PCLO: variants seen among roughly 807,000 people sequenced by gnomAD.
PCLO encodes piccolo presynaptic cytomatrix protein.
Under a neutral mutation model 427.5 loss-of-function variants are expected in PCLO, and 82 were observed. The ratio of observed to expected loss-of-function variants is 0.19; its 90% CI spans 0.16 to 0.23. The LOEUF (loss-of-function observed/expected upper bound fraction) is 0.23, where lower values mean the gene tolerates loss of function less well. PCLO is among the 10% of genes least tolerant of loss of function. The probability of loss-of-function intolerance (pLI) is 1.00; values close to 1 mark genes in which losing one functional copy is unlikely to be tolerated. For missense variants in PCLO, 6,239 were observed against 6,115.9 expected (o/e 1.02, Z -0.67); for synonymous variants, 2,357 against 2,155.4 (o/e 1.09, Z -2.59).
intron 6 of PCLO, among the ~76,000 whole-genome samples, chr7:82,924,097 T>C (rs1452281481): frequency 6.6e-6 from 1 of 152,216 alleles, no homozygotes; most frequent in South Asian, 2.1e-4. Context: ...TATTTATTGA[T>C]GATGAGAATC....
intron 3 of PCLO, among the ~76,000 whole-genome samples, chr7:82,983,564 C>T (rs1019682073): frequency 6.7e-6 from 1 of 149,776 alleles, no homozygotes; most frequent in Admixed American, 6.7e-5. Context: ...TATTACAGAT[C>T]TAGCTAAAAT....
At chr7:82,992,099 G>A (rs1187683483) in intron 3 of PCLO, among the ~76,000 whole-genome samples, 1 of 152,024 alleles carries the variant, frequency 6.6e-6, no homozygotes, top group African/African-American at 2.4e-5. Flanking sequence ...AAAACAGAAT[G>A]ATAATTATTA....
At chr7:82,949,148 G>A (rs115163331) in intron 6 of PCLO, among the ~76,000 whole-genome samples, 1,594 of 152,136 alleles carry the variant, frequency 0.01, 31 homozygotes, top group African/African-American at 0.037. Context: ...GGGAGATTTC[G>A]ATATAAGAAT....
rs983841782 is a variant in PCLO, at chr7:82,758,196, C to T, written c.*379G>A. 6.4e-6 allele frequency: 1 copy of T among 156,922 alleles called. No individual in the cohort carries two copies. Among genetic ancestry groups the T allele is most frequent in the African/African-American group, 2.4e-5 (1 of 41,664 alleles). 9.7% of individuals were successfully genotyped at this position (156,922 alleles called of 1,614,324 possible). ...ATCAGTCCTTTCCTTTCAACCAAGG[C>T]TCCTTTGCATAAAGAATTACCTTTG... On this transcript the variant is annotated 3_prime_UTR_variant, in exon 25 of 25. Transcript: ENST00000333891.
chr7:82,837,218 G>A (rs1200549285), intron 15 of PCLO, among the ~76,000 whole-genome samples: 1 of 152,018 alleles, frequency 6.6e-6, no homozygotes, highest in African/African-American at 2.4e-5. Context: ...GATTAAGGGA[G>A]TGTATGAGGA....
intron 6 of PCLO, among the ~76,000 whole-genome samples, chr7:82,929,688 A>C (rs1471674687): frequency 6.6e-6 from 1 of 152,176 alleles, no homozygotes. Flanking sequence ...TTCTCAAGCC[A>C]TCAATCCTTG....
chr7:82,777,599 C>G (rs1790781875), intron 22 of PCLO, among the ~76,000 whole-genome samples: 1 of 152,020 alleles, frequency 6.6e-6, no homozygotes, highest in Non-Finnish European at 1.5e-5. Flanking sequence ...GGCTGTACAC[C>G]TACAACTATC....
At chr7:83,141,683 G>T (rs189503281) in intron 2 of PCLO, among the ~76,000 whole-genome samples, 2 of 152,220 alleles carry the variant, frequency 1.3e-5, no homozygotes, top group Non-Finnish European at 2.9e-5. Flanking sequence ...TGTATGAGAG[G>T]TGTCAAATAT....
chr7:82,855,010 CTAGGTCTGAG>C (rs1418305518), intron 10 of PCLO, among the ~76,000 whole-genome samples: 4 of 152,056 alleles, frequency 2.6e-5, no homozygotes, highest in African/African-American at 9.7e-5. Context: ...TATTTCTTTT[CTAGGTCTGAG>C]TACATTGAAA....
rs1469691155 is a variant in PCLO at position 82,915,517 on chromosome 7, G to A, written c.12469C>T (p.His4157Tyr). Residue 4157 changes from histidine (H) to tyrosine (Y), a missense_variant, in exon 7 of 25, where the codon CAT (histidine) becomes TAT (tyrosine). Around this residue, in one of 5 missense-constraint regions of PCLO, gnomAD observed 680 missense variants for 677.3 expected, o/e 1.00. Transcript: ENST00000333891. ...CTATACTTCTCAGATTTTGGAAAATGTCTGTAGCTAGTATCAGCATGGTAA... is the reference window on the plus strand; with the variant it reads ...CTATACTTCTCAGATTTTGGAAAATATCTGTAGCTAGTATCAGCATGGTAA... ...HYYHADTSYR[H>Y]FPKSEKYSIS... 3 of 1,613,564 alleles carry A rather than the reference G, an allele frequency of 1.9e-6. No homozygotes were observed. Among genetic ancestry groups the A allele is most frequent in the African/African-American group, 1.3e-5 (1 of 74,902 alleles).
At chr7:82,939,688 T>C (rs1795035757) in intron 6 of PCLO, among the ~76,000 whole-genome samples, 1 of 148,566 alleles carries the variant, frequency 6.7e-6, no homozygotes, top group Non-Finnish European at 1.5e-5. Context: ...GATATAGATA[T>C]ATTTTCCACT....
chr7:82,880,535 T>C (rs148673184), intron 9 of PCLO: 68 of 219,734 alleles, frequency 3.1e-4, no homozygotes, highest in East Asian at 2.8e-3. Context: ...TGAACTCTTT[T>C]CTTTTAAAGC....
At chr7:82,913,554 A>G (rs1355497868) in intron 7 of PCLO, among the ~76,000 whole-genome samples, 1 of 150,888 alleles carries the variant, frequency 6.6e-6, no homozygotes, top group Non-Finnish European at 1.5e-5. Context: ...AAAGGAGGTG[A>G]AAAAAAAAGG....
intron 3 of PCLO, among the ~76,000 whole-genome samples, chr7:83,043,907 ATTTTCTTTTTTT>A (rs1789033188): frequency 1.7e-5 from 1 of 59,016 alleles, no homozygotes; most frequent in Admixed American, 2.1e-4. Context: ...TATTACTATT[ATTTTCTTTTTTT>A]TTTTTTTTTT....
At position 83,156,295 on chromosome 7, in the gene PCLO, T is replaced by C; in HGVS notation, c.346A>G (p.Thr116Ala). ...AQPGLSKSRT[T>A]DTFRSEQKLP... ...TTCTGCTCTGACCTGAAAGTGTCTG[T>C]AGTTCTACTTTTACTGAGACCAGGT... Residue 116 changes from threonine to alanine, a missense_variant, in exon 2 of 25, where the codon ACA becomes GCA. Around this residue, in one of 5 missense-constraint regions of PCLO, gnomAD observed 4,677 missense variants for 4,468.4 expected, o/e 1.05. Transcript: ENST00000333891. The C allele has an allele frequency of 6.2e-7, 1 of 1,613,446 alleles. No homozygotes were observed.
intron 2 of PCLO, among the ~76,000 whole-genome samples, chr7:83,135,967 G>A (rs1791717641): frequency 6.6e-6 from 1 of 151,682 alleles, no homozygotes; most frequent in Non-Finnish European, 1.5e-5. Context: ...GCATGGTGGT[G>A]TACACCTGTA....
intron 3 of PCLO, among the ~76,000 whole-genome samples, chr7:83,111,346 A>G (rs1790997474): frequency 6.6e-6 from 1 of 152,236 alleles, no homozygotes; most frequent in African/African-American, 2.4e-5. Context: ...ATTACTCCAC[A>G]ATTAGGTTAC....
intron 3 of PCLO, among the ~76,000 whole-genome samples, chr7:83,105,980 T>C (rs1211451761): frequency 6.6e-6 from 1 of 152,188 alleles, no homozygotes; most frequent in Non-Finnish European, 1.5e-5. Context: ...TTCTCAAAAT[T>C]AGCAAGAAGT....
intron 10 of PCLO, among the ~76,000 whole-genome samples, chr7:82,851,698 A>C (rs955777478): frequency 6.6e-6 from 1 of 152,142 alleles, no homozygotes; most frequent in African/African-American, 2.4e-5. Flanking sequence ...AAGATTATTA[A>C]TCACGACTAT....
Sources: gnomAD v4.1 joint callset for allele counts (sites outside exome capture counted in the v4.1 genomes callset) on GRCh38, gnomAD v4.1.1 for gene constraint, gnomAD v4.1.1 regional missense constraint, MANE v1.5 for transcripts, NCBI Gene and HGNC (gene_info 2026-07-23, HGNC 2026-07-21) for gene names.